PLD1: variants seen among roughly 807,000 people sequenced by gnomAD.
PLD1 encodes the protein choline phosphatase 1.
In PLD1, 112 loss-of-function variants were observed where a neutral mutation model predicts 137.1. That is an observed-to-expected ratio of 0.82 (90% CI 0.70 to 0.96). The LOEUF (loss-of-function observed/expected upper bound fraction) is 0.96. Ranked by LOEUF, PLD1 falls within the 40% of genes least tolerant of loss-of-function variation. The pLI is 0.00. For synonymous variants in PLD1, 431 were observed against 454.7 expected (o/e 0.95, Z 0.66); for missense variants, 1,321 against 1,342.0 (o/e 0.98, Z 0.24).
intron 12 of PLD1, among the ~76,000 whole-genome samples, chr3:171,698,064 T>A (rs1188702438): frequency 6.6e-6 from 1 of 152,178 alleles, no homozygotes; most frequent in East Asian, 1.9e-4. Flanking sequence ...TAAAATAGAA[T>A]CTTGAGGGAA....
rs190711902 is a variant in PLD1 at position 171,671,691 on chromosome 3, A to G, written c.2229+2809T>C. On this transcript the variant is annotated intron_variant, in intron 19 of 26. Transcript: ENST00000351298. ...TGTCAAATAAGCTTGGGAAATGCGC[A>G]CATCATATTCCTTCTTGGTGGTTTT... Among the ~76,000 whole-genome samples the G allele has an allele frequency of 3.3e-5, 5 of 151,946 alleles. No homozygotes were observed. In the East Asian group the frequency reaches 7.7e-4, roughly 24 times the overall value.
In PLD1 at chr3:171,600,592, C is replaced by T. The variant is rs946052085; in HGVS notation, c.*2486G>A. The T allele has an allele frequency of 1.3e-5, 2 of 149,824 alleles. No individual in the cohort carries two copies. Among genetic ancestry groups the T allele is most frequent in the Admixed American group, 6.7e-5 (1 of 15,008 alleles). 9.3% of individuals were successfully genotyped at this position (149,824 alleles called of 1,614,324 possible). A position where few individuals can be genotyped will look rare whatever the true frequency, so the allele number is the denominator to read the frequency against. On this transcript the variant is annotated 3_prime_UTR_variant, in exon 27 of 27. Transcript: ENST00000351298. Reference sequence around the variant, plus strand: ...GTCAGAGAATGACAGGTAATTAAGTCATACAGTACATCTTGTGTCCACATT... The same window carrying T: ...GTCAGAGAATGACAGGTAATTAAGTTATACAGTACATCTTGTGTCCACATT...
intron 1 of PLD1, among the ~76,000 whole-genome samples, chr3:171,781,912 C>G (rs1375022472): frequency 6.6e-6 from 1 of 152,102 alleles, no homozygotes; most frequent in Non-Finnish European, 1.5e-5. Flanking sequence ...GAAAACACAG[C>G]CACAAAAAAA....
At chr3:171,784,064 T>C (rs1046551620) in intron 1 of PLD1, among the ~76,000 whole-genome samples, 1 of 152,218 alleles carries the variant, frequency 6.6e-6, no homozygotes, top group Non-Finnish European at 1.5e-5. Flanking sequence ...TTATTTGACT[T>C]CATATTCTTA....
chr3:171,627,085 C>T (rs1262577287), intron 23 of PLD1, among the ~76,000 whole-genome samples: 4 of 152,050 alleles, frequency 2.6e-5, no homozygotes, highest in Non-Finnish European at 4.4e-5. Context: ...AGAGTCAAGA[C>T]CCATCAGTGT....
chr3:171,633,636 TA>T (rs1003626330), intron 23 of PLD1, among the ~76,000 whole-genome samples: 2 of 151,916 alleles, frequency 1.3e-5, no homozygotes, highest in African/African-American at 4.8e-5. Flanking sequence ...AAAGTATAAT[TA>T]AAAAAAGAAG....
intron 9 of PLD1, 142 bp downstream of exon 9, chr3:171,713,751 G>A: frequency 1.5e-6 from 1 of 660,386 alleles, no homozygotes; most frequent in Non-Finnish European, 2.6e-6. Context: ...GGAAAAAAGT[G>A]GTTTCATTAC....
intron 1 of PLD1, among the ~76,000 whole-genome samples, chr3:171,807,254 C>T (rs1276819098): frequency 6.6e-6 from 1 of 151,776 alleles, no homozygotes; most frequent in Admixed American, 6.6e-5. Context: ...GCTGTTGTGC[C>T]ACTACACTCC....
intron 26 of PLD1, among the ~76,000 whole-genome samples, chr3:171,604,315 A>AT (rs147278527): frequency 0.033 from 4,806 of 147,064 alleles, 298 homozygotes; most frequent in African/African-American, 0.12. Context: ...CTCCATGTCA[A>AT]TTAAAAAAAA....
intron 8 of PLD1, among the ~76,000 whole-genome samples, chr3:171,723,188 G>T (rs745379316): frequency 1.1e-4 from 17 of 152,022 alleles, no homozygotes; most frequent in Non-Finnish European, 2.5e-4. Context: ...GAGTTCAGTT[G>T]TTTTAATTTT....
chr3:171,790,397 T>C (rs534001991), intron 1 of PLD1, among the ~76,000 whole-genome samples: 11 of 152,352 alleles, frequency 7.2e-5, no homozygotes, highest in Non-Finnish European at 1.6e-4. Flanking sequence ...TTACGGTTAT[T>C]ACTGTTGTGA....
chr3:171,675,637 T>G (rs1163136067), intron 18 of PLD1, among the ~76,000 whole-genome samples: 1 of 152,196 alleles, frequency 6.6e-6, no homozygotes, highest in East Asian at 1.9e-4. Context: ...CCCATTTGTT[T>G]ATTCATCCAT....
intron 8 of PLD1, among the ~76,000 whole-genome samples, chr3:171,724,375 T>C (rs1029624840): frequency 3.9e-5 from 6 of 152,236 alleles, no homozygotes; most frequent in African/African-American, 1.4e-4. Flanking sequence ...CATTGTGGAT[T>C]TGACTTACAT....
At position 171,696,553 on chromosome 3, in the gene PLD1, C is replaced by T. The variant is rs958222453; in HGVS notation, c.1227+3192G>A. On this transcript the variant is annotated intron_variant, in intron 12 of 26. Transcript: ENST00000351298. ...ATCAGATAGAAGAAAATAAAACATT[C>T]ATTTTAATAAACCTTGTGGACCTCT... Among the ~76,000 whole-genome samples, 41 of 152,174 alleles carry T rather than the reference C, an allele frequency of 2.7e-4. 1 individual carries two copies. The highest frequency in any genetic ancestry group is 1.5e-5 in the Non-Finnish European group (1 of 68,034).
chr3:171,639,842 C>CTA (rs1183896689), intron 23 of PLD1, among the ~76,000 whole-genome samples: 23 of 118,202 alleles, frequency 1.9e-4, no homozygotes, highest in African/African-American at 8.4e-4. Context: ...CTCTCTCTCT[C>CTA]TCTCTCTATA....
chr3:171,697,476 C>T (rs945428918), intron 12 of PLD1, among the ~76,000 whole-genome samples: 2 of 151,916 alleles, frequency 1.3e-5, no homozygotes, highest in African/African-American at 4.8e-5. Context: ...CCCCTGCTTC[C>T]CCACACCGCC....
Position 171,724,745 on chromosome 3 carries a change from C to A in PLD1, c.709G>T (p.Gly237Cys), listed in dbSNP as rs149535568. 1.8e-3 allele frequency: 2,937 copies of A among 1,611,466 alleles called. 3 individuals carry two copies. The highest frequency in any genetic ancestry group is 2.4e-3 in the Non-Finnish European group (2,843 of 1,178,264). Residue 237 changes from glycine to cysteine, a missense_variant, in exon 8 of 27, where the codon GGC (glycine) becomes TGC (cysteine). Gly to Cys is a radical substitution (Grantham distance 159). Transcript: ENST00000351298. Reference sequence around the variant, plus strand: ...CTTCCCTGACCACAGCAATTCAAGCCTGGTATTCTGTGTCCTCCAGATCTT... The same window carrying A: ...CTTCCCTGACCACAGCAATTCAAGCATGGTATTCTGTGTCCTCCAGATCTT... ...MKRSGGHRIP[G>C]LNCCGQGRAC...
Position 171,764,969 on chromosome 3 carries a change from A to G in PLD1, c.-31-26887T>C, listed in dbSNP as rs1426278344. On this transcript the variant is annotated intron_variant, in intron 1 of 26. Transcript: ENST00000351298. ...AAGAAAGAAAGAAAGAAAGAAAGAA[A>G]GAAAGAAAGAAAGAAAGAAAGAAAG... 2.8e-4 allele frequency among the ~76,000 whole-genome samples: 20 copies of G among 72,528 alleles called. 2 individuals are homozygous for G. Among genetic ancestry groups the G allele is most frequent in the Middle Eastern group, 0.018 (1 of 56 alleles). 47.6% of individuals were successfully genotyped at this position (72,528 alleles called of 152,430 possible). A position where few individuals can be genotyped will look rare whatever the true frequency, so the allele number is the denominator to read the frequency against.
chr3:171,628,807 A>C (rs1446210179), intron 23 of PLD1, among the ~76,000 whole-genome samples: 3 of 152,236 alleles, frequency 2.0e-5, no homozygotes, highest in Non-Finnish European at 4.4e-5. Flanking sequence ...GACAAAATTC[A>C]ACAACTCTTC....
Sources: allele counts gnomAD v4.1 joint callset (sites outside exome capture counted in the v4.1 genomes callset), GRCh38; gene constraint gnomAD v4.1.1; transcripts MANE v1.5; gene names NCBI Gene and HGNC (gene_info 2026-07-23, HGNC 2026-07-21).